COG5: variants seen among roughly 807,000 people sequenced by gnomAD.
COG5 encodes the protein conserved oligomeric Golgi complex subunit 5.
A neutral mutation model predicts 110.4 loss-of-function variants in COG5; 86 were observed. That is an observed-to-expected ratio of 0.78 (90% CI 0.65 to 0.93). The LOEUF (loss-of-function observed/expected upper bound fraction) is 0.93. COG5 is among the 40% of genes least tolerant of loss of function. The probability of loss-of-function intolerance (pLI) is 0.00; values close to 1 mark genes in which losing one functional copy is unlikely to be tolerated. For missense variants in COG5, 1,077 were observed against 987.0 expected (o/e 1.09, Z -1.22); for synonymous variants, 360 against 334.6 (o/e 1.08, Z -0.83).
At chr7:107,396,802 T>C (rs1374295816) in intron 7 of COG5, among the ~76,000 whole-genome samples, 2 of 152,218 alleles carry the variant, frequency 1.3e-5, no homozygotes, top group Non-Finnish European at 2.9e-5. Context: ...CCAAGTCATA[T>C]TAGATAATAG....
At chr7:107,248,277 C>T (rs1802200460) in intron 17 of COG5, 119 bp downstream of exon 17, 2 of 729,910 alleles carry the variant, frequency 2.7e-6, no homozygotes, top group Non-Finnish European at 4.9e-6. Flanking sequence ...AAAACTAATG[C>T]CATCACAAAA....
intron 17 of COG5, among the ~76,000 whole-genome samples, chr7:107,237,792 G>A (rs1036982870): frequency 1.3e-5 from 2 of 152,144 alleles, no homozygotes; most frequent in Non-Finnish European, 2.9e-5. Context: ...ATGATGGAGT[G>A]GCGCTTGGGT....
At chr7:107,204,777 T>C (rs1414357758) in intron 21 of COG5, among the ~76,000 whole-genome samples, 1 of 152,198 alleles carries the variant, frequency 6.6e-6, no homozygotes, top group African/African-American at 2.4e-5. Context: ...TCAAATCTCT[T>C]AAGTTCCAGC....
chr7:107,209,539 C>T (rs1441738143), intron 21 of COG5: 1 of 157,020 alleles, frequency 6.4e-6, no homozygotes, highest in East Asian at 1.9e-4. Context: ...ACAAGCTCAC[C>T]TGGGAACCAA....
chr7:107,202,307 G>T lies in COG5; in HGVS notation c.*1209C>A, dbSNP rs1292565635. The stretch of plus-strand genomic sequence containing the variant: ...CTTGCACTTTAATTTTCCTCCAACT[G>T]TCTAAAATTAGAGCAAATACATTGG... On this transcript the variant is annotated 3_prime_UTR_variant, in exon 22 of 22. Coordinates refer to ENST00000297135, the MANE Select transcript of COG5 (RefSeq NM_006348.5). 1 of 152,536 alleles carries T rather than the reference G, an allele frequency of 6.6e-6. No homozygotes were observed. Among genetic ancestry groups the T allele is most frequent in the Admixed American group, 6.5e-5 (1 of 15,280 alleles). The allele number at this position is 152,536 out of a possible 1,614,324, so 9.4% of individuals were successfully genotyped here. A position where few individuals can be genotyped will look rare whatever the true frequency, so the allele number is the denominator to read the frequency against.
intron 7 of COG5, 93 bp from the exon 8 acceptor site, chr7:107,372,853 G>A: frequency 8.4e-7 from 1 of 1,194,426 alleles, no homozygotes; most frequent in Non-Finnish European, 1.2e-6. Flanking sequence ...GACTTCAGCA[G>A]TCCTATCATA....
chr7:107,420,696 C>T (rs1419431358), intron 6 of COG5, among the ~76,000 whole-genome samples: 1 of 152,110 alleles, frequency 6.6e-6, no homozygotes, highest in Non-Finnish European at 1.5e-5. Flanking sequence ...CTCCTGACGT[C>T]GTGATCCACC....
At chr7:107,381,579 T>C (rs1229250802) in intron 7 of COG5, among the ~76,000 whole-genome samples, 1 of 152,238 alleles carries the variant, frequency 6.6e-6, no homozygotes, top group Non-Finnish European at 1.5e-5. Context: ...CTTGTTTTTA[T>C]CCTTTTCAAA....
chr7:107,387,847 T>C (rs1010822765), intron 7 of COG5, among the ~76,000 whole-genome samples: 12 of 152,256 alleles, frequency 7.9e-5, no homozygotes, highest in African/African-American at 2.9e-4. Flanking sequence ...TGTTTATTTA[T>C]TGCAGAACCT....
At chr7:107,281,456 A>G in intron 13 of COG5, 57 bp from the exon 14 acceptor site, 2 of 1,270,606 alleles carry the variant, frequency 1.6e-6, no homozygotes, top group Non-Finnish European at 2.3e-6. Context: ...CAACAAAGTA[A>G]AGAGCAAGAT....
At chr7:107,306,621 G>C (rs1229560366) in intron 11 of COG5, among the ~76,000 whole-genome samples, 1 of 152,116 alleles carries the variant, frequency 6.6e-6, no homozygotes, top group Non-Finnish European at 1.5e-5. Context: ...CATAATGGCA[G>C]CAACACAAAG....
chr7:107,284,335 C>G (rs1280004605), intron 12 of COG5, among the ~76,000 whole-genome samples: 1 of 152,176 alleles, frequency 6.6e-6, no homozygotes, highest in African/African-American at 2.4e-5. Context: ...CAGTAAAATC[C>G]TATTAATGCT....
chr7:107,511,151 G>C, intron 6 of COG5, among the ~76,000 whole-genome samples: 1 of 150,862 alleles, frequency 6.6e-6, no homozygotes. Context: ...CTGCTAGCAA[G>C]ACTAATAAAG....
chr7:107,509,856 T>C (rs1419588318), intron 6 of COG5, among the ~76,000 whole-genome samples: 1 of 127,222 alleles, frequency 7.9e-6, no homozygotes, highest in Non-Finnish European at 1.5e-5. Context: ...TGCTGAGAGA[T>C]TTTGTCACCA....
intron 6 of COG5, among the ~76,000 whole-genome samples, chr7:107,418,869 G>A (rs191653344): frequency 0.058 from 8,850 of 151,902 alleles, 278 homozygotes; most frequent in African/African-American, 0.079. Context: ...CCGCCTCCGG[G>A]GTTCAAGCGA....
At chr7:107,307,848 A>G (rs1434211744) in intron 11 of COG5, among the ~76,000 whole-genome samples, 1 of 152,096 alleles carries the variant, frequency 6.6e-6, no homozygotes, top group African/African-American at 2.4e-5. Context: ...AAATCTCTGA[A>G]ATCACCACTA....
chr7:107,501,152 G>T (rs967505832), intron 6 of COG5, among the ~76,000 whole-genome samples: 1 of 151,908 alleles, frequency 6.6e-6, no homozygotes, highest in Admixed American at 6.6e-5. Flanking sequence ...AATTTTAAAG[G>T]AACAGTCAAC....
chr7:107,460,542 T>TA (rs960678527), intron 6 of COG5, among the ~76,000 whole-genome samples: 26 of 151,008 alleles, frequency 1.7e-4, no homozygotes, highest in Non-Finnish European at 1.3e-4. Context: ...GAACCACGTA[T>TA]AAAAAAAAAT....
At chr7:107,313,138 T>A (rs1808429258) in intron 11 of COG5, among the ~76,000 whole-genome samples, 1 of 152,158 alleles carries the variant, frequency 6.6e-6, no homozygotes, top group African/African-American at 2.4e-5. Flanking sequence ...AGGTGGGAAG[T>A]CTGTGAATCT....
Sources: allele counts gnomAD v4.1 joint callset (sites outside exome capture counted in the v4.1 genomes callset), GRCh38; gene constraint gnomAD v4.1.1; transcripts MANE v1.5; gene names NCBI Gene and HGNC (gene_info 2026-07-23, HGNC 2026-07-21).